The following CCDC88A variants were observed in gnomAD, a reference collection of about 807,000 sequenced individuals.
The protein encoded by CCDC88A is girdin.
In CCDC88A, 54 loss-of-function variants were observed where a neutral mutation model predicts 234.3. The ratio of observed to expected loss-of-function variants is 0.23; its 90% CI spans 0.19 to 0.29. The LOEUF is 0.29. CCDC88A is among the 10% of genes least tolerant of loss of function. CCDC88A has a pLI of 1.00. For synonymous variants in CCDC88A, 753 were observed against 737.8 expected, an observed-to-expected ratio of 1.02 and a Z score of -0.33; for missense variants, 1,832 against 2,123.4, an observed-to-expected ratio of 0.86 and a Z score of 2.70.
rs537928873 is a variant in CCDC88A, at chr2:55,325,619, A to T, written c.2997+2675T>A. Among the ~76,000 whole-genome samples the T allele has an allele frequency of 5.3e-5, 8 of 152,318 alleles. No homozygotes were observed. In the East Asian group the frequency reaches 1.5e-3, roughly 29 times the overall value. Reference sequence around the variant, plus strand: ...GTATTCTTCCTGATTAAAGGGGGAAAGTGATTAGTCTATAGGCTGTTTATA... The same window carrying T: ...GTATTCTTCCTGATTAAAGGGGGAATGTGATTAGTCTATAGGCTGTTTATA... On this transcript the variant is annotated intron_variant, in intron 17 of 32. Coordinates refer to ENST00000436346, the MANE Select transcript of CCDC88A (RefSeq NM_001365480.1).
chr2:55,378,935 G>C (rs1352029221), intron 3 of CCDC88A, among the ~76,000 whole-genome samples: 1 of 151,912 alleles, frequency 6.6e-6, no homozygotes, highest in East Asian at 1.9e-4. Context: ...TAGTACAGAG[G>C]GGGTTTCATC....
At chr2:55,362,473 C>T in intron 6 of CCDC88A, 25 bp from the exon 7 acceptor site, 2 of 1,586,742 alleles carry the variant, frequency 1.3e-6, no homozygotes, top group Non-Finnish European at 8.5e-7. Flanking sequence ...CCAAAATAAA[C>T]AACCAAAAAA....
intron 26 of CCDC88A, chr2:55,302,764 G>GA (rs1037830302): frequency 2.1e-4 from 39 of 185,122 alleles, no homozygotes; most frequent in African/African-American, 7.5e-4. Flanking sequence ...ACTTCTTTGG[G>GA]AAAAAATCTC....
In CCDC88A at chr2:55,299,916, G is replaced by A. The variant is rs2104566606; in HGVS notation, c.4748C>T (p.Ser1583Leu). 1 of 1,611,762 alleles carries A rather than the reference G, an allele frequency of 6.2e-7. No individual in the cohort carries two copies. Among genetic ancestry groups the A allele is most frequent in the East Asian group, 2.2e-5 (1 of 44,824 alleles). Reference sequence around the variant, plus strand: ...GCCACTATCAAGGCTGGCTGGTCTTGAAGCTAAATGAAAAAACCAGGAGAC... The same window carrying A: ...GCCACTATCAAGGCTGGCTGGTCTTAAAGCTAAATGAAAAAACCAGGAGAC... ...DSSTGSRVHA[S>L]RPASLDSGRT... The change falls in exon 29 of 33, where the codon TCA becomes TTA. Residue 1583 changes from serine to leucine, a missense_variant. This residue lies in a region of CCDC88A where 422 missense variants were observed against 416.5 expected (regional missense o/e 1.01). Coordinates refer to ENST00000436346, the MANE Select transcript of CCDC88A (RefSeq NM_001365480.1).
At chr2:55,302,838 G>C (rs1474240837) in intron 26 of CCDC88A, 1 of 305,732 alleles carries the variant, frequency 3.3e-6, no homozygotes, top group Non-Finnish European at 6.0e-6. Flanking sequence ...AAATTTACGA[G>C]TAAGTTACAT....
At chr2:55,367,635 G>C (rs1039682042) in intron 5 of CCDC88A, among the ~76,000 whole-genome samples, 1 of 148,880 alleles carries the variant, frequency 6.7e-6, no homozygotes. Context: ...GGCCTCAAGT[G>C]ATCCTCCCAA....
chr2:55,345,926 T>C (rs1574209068), intron 10 of CCDC88A: 2 of 312,952 alleles, frequency 6.4e-6, no homozygotes, highest in Non-Finnish European at 1.2e-5. Flanking sequence ...GTCTGCTCTA[T>C]ATATGATGCT....
intron 12 of CCDC88A, among the ~76,000 whole-genome samples, chr2:55,341,192 CT>C (rs1668445180): frequency 7.4e-6 from 1 of 135,372 alleles, no homozygotes; most frequent in South Asian, 2.3e-4. Context: ...GTCACCCAGG[CT>C]GGAGTGCAGT....
intron 12 of CCDC88A, among the ~76,000 whole-genome samples, chr2:55,341,460 T>TC (rs1244821764): frequency 6.8e-6 from 1 of 147,394 alleles, no homozygotes; most frequent in Non-Finnish European, 1.5e-5. Flanking sequence ...TTTTTTTTTT[T>TC]CTGGGACAGA....
chr2:55,379,119 A>G (rs1674173519), intron 3 of CCDC88A, among the ~76,000 whole-genome samples: 3 of 152,140 alleles, frequency 2.0e-5, no homozygotes. Context: ...ATTAAAAAAT[A>G]TACAAGACAT....
Position 55,316,120 on chromosome 2 carries a change from A to C in CCDC88A, c.3747-6T>G. 1 of 1,232,270 alleles carries C rather than the reference A, an allele frequency of 8.1e-7. No homozygotes were observed. The highest frequency in any genetic ancestry group is 1.1e-6 in the Non-Finnish European group (1 of 889,104). The allele number at this position is 1,232,270 out of a possible 1,614,324, so 76.3% of individuals were successfully genotyped here. On this transcript the variant is annotated splice_polypyrimidine_tract_variant and splice_region_variant and intron_variant, in intron 21 of 32. Coordinates refer to ENST00000436346, the MANE Select transcript of CCDC88A (RefSeq NM_001365480.1). ...GACTATAGGTATGATTCAGCCTATA[A>C]TTAGAAATCATAGAAATATAATTAG... is the stretch of plus-strand genomic sequence containing the variant.
intron 22 of CCDC88A, chr2:55,313,856 G>A (rs1682641551): frequency 1.3e-5 from 2 of 152,080 alleles, no homozygotes; most frequent in South Asian, 4.1e-4. Flanking sequence ...TACTACGTTG[G>A]TTTTATTTAT....
At chr2:55,388,646 A>G in intron 3 of CCDC88A, 132 bp downstream of exon 3, 2 of 493,464 alleles carry the variant, frequency 4.1e-6, no homozygotes, top group East Asian at 3.8e-5. Flanking sequence ...CTTATTTACT[A>G]CTCTAACTCT....
intron 7 of CCDC88A, chr2:55,356,420 C>T (rs1670588157): frequency 6.6e-6 from 1 of 151,944 alleles, no homozygotes; most frequent in South Asian, 2.1e-4. Flanking sequence ...TGGGTTCATT[C>T]CATGTCTTTA....
chr2:55,394,977 C>A (rs1210762710), intron 2 of CCDC88A, among the ~76,000 whole-genome samples: 1 of 152,014 alleles, frequency 6.6e-6, no homozygotes, highest in African/African-American at 2.4e-5. Context: ...TCCCGAGTAG[C>A]TGGGATTACA....
intron 2 of CCDC88A, among the ~76,000 whole-genome samples, chr2:55,406,762 T>A (rs75734043): frequency 4.0e-5 from 6 of 150,124 alleles, no homozygotes; most frequent in Non-Finnish European, 4.4e-5. Flanking sequence ...CTGTCTCAAA[T>A]AAAAAAAAAA....
intron 4 of CCDC88A, among the ~76,000 whole-genome samples, 183 bp downstream of exon 4, chr2:55,374,631 T>C (rs1673338925): frequency 6.6e-6 from 1 of 152,202 alleles, no homozygotes; most frequent in Admixed American, 6.5e-5. Context: ...TTATGTCTGG[T>C]CTTACCTATA....
chr2:55,363,159 T>C (rs1163705235), intron 6 of CCDC88A, among the ~76,000 whole-genome samples: 1 of 151,924 alleles, frequency 6.6e-6, no homozygotes, highest in Non-Finnish European at 1.5e-5. Context: ...TAAAACTACA[T>C]CTTGTAAAGT....
chr2:55,401,558 C>A (rs1574476357), intron 2 of CCDC88A, among the ~76,000 whole-genome samples: 1 of 23,550 alleles, frequency 4.2e-5, no homozygotes, highest in South Asian at 1.4e-3. Context: ...CTTAATTTCT[C>A]CCCCCCATAA....
Sources: allele counts gnomAD v4.1 joint callset (sites outside exome capture counted in the v4.1 genomes callset), GRCh38; gene constraint gnomAD v4.1.1; regional missense constraint gnomAD v4.1.1; transcripts MANE v1.5; gene names NCBI Gene and HGNC (gene_info 2026-07-23, HGNC 2026-07-21).